The following CXXC5 variants were observed in gnomAD, a reference collection of about 807,000 sequenced individuals.
The protein encoded by CXXC5 is CXXC-type zinc finger protein 5.
CXXC5 carries 2 observed loss-of-function variants against 17.6 expected under a neutral mutation model. The ratio of observed to expected loss-of-function variants is 0.11; its 90% CI spans 0.05 to 0.36. The LOEUF (loss-of-function observed/expected upper bound fraction) is 0.36. Ranked by LOEUF, CXXC5 falls within the 10% of genes least tolerant of loss-of-function variation. The pLI, the probability that CXXC5 is intolerant of heterozygous loss-of-function variation, is 1.00. For synonymous variants in CXXC5, 171 were observed against 193.0 expected (o/e 0.89, Z 0.94); for missense variants, 343 against 458.3 (o/e 0.75, Z 2.30).
intron 1 of CXXC5, among the ~76,000 whole-genome samples, chr5:139,660,179 T>A (rs1755712682): frequency 6.6e-6 from 1 of 152,202 alleles, no homozygotes; most frequent in African/African-American, 2.4e-5. Flanking sequence ...GGGAGCGGGA[T>A]GATCCTGTGG....
chr5:139,677,360 G>A (rs540762373), intron 1 of CXXC5, among the ~76,000 whole-genome samples: 10 of 152,128 alleles, frequency 6.6e-5, no homozygotes, highest in Non-Finnish European at 1.0e-4. Context: ...GTAGAAGACT[G>A]GGACCTGGGA....
At position 139,680,494 on chromosome 5, in the gene CXXC5, C is replaced by G; in HGVS notation, c.-30C>G. On this transcript the variant is annotated 5_prime_UTR_variant, in exon 2 of 3. Coordinates refer to ENST00000302517, the MANE Select transcript of CXXC5 (RefSeq NM_016463.9). ...ACCCTCGGCAGTTGGCAGGCTCCCT[C>G]TGCAGTGGGGTCTGGGCCTCGGCCC... The G allele has an allele frequency of 6.5e-7, 1 of 1,534,864 alleles. No homozygotes were observed. Among genetic ancestry groups the G allele is most frequent in the Non-Finnish European group, 8.8e-7 (1 of 1,142,782 alleles).
At chr5:139,673,245 A>G (rs1756579751) in intron 1 of CXXC5, among the ~76,000 whole-genome samples, 1 of 152,216 alleles carries the variant, frequency 6.6e-6, no homozygotes, top group Non-Finnish European at 1.5e-5. Context: ...GCACATAGGA[A>G]GAGCCCCATA....
Position 139,680,608 on chromosome 5 carries a change from G to A in CXXC5, c.85G>A (p.Gly29Ser). 1 of 1,610,260 alleles carries A rather than the reference G, an allele frequency of 6.2e-7. No individual in the cohort carries two copies. The highest frequency in any genetic ancestry group is 1.1e-5 in the South Asian group (1 of 90,920). Reference sequence around the variant, plus strand: ...TGGCAGCGGTGGCAGTGGCAGCAGTGGCCCAAAGGCAGGAGCAGCAGACAA... The same window carrying A: ...TGGCAGCGGTGGCAGTGGCAGCAGTAGCCCAAAGGCAGGAGCAGCAGACAA... ...TNGSGGSGSSGPKAGAADKSA... is the reference protein window; with the variant it reads ...TNGSGGSGSSSPKAGAADKSA... The change falls in exon 2 of 3, where the codon GGC (glycine) becomes AGC (serine). Residue 29 changes from glycine (G) to serine (S), a missense_variant. Transcript: ENST00000302517.
chr5:139,681,608 T>C (rs1757244272), intron 2 of CXXC5, 161 bp downstream of exon 2: 1 of 810,088 alleles, frequency 1.2e-6, no homozygotes. Context: ...GACACCAGTT[T>C]ACTGCCCCAA....
Position 139,665,110 on chromosome 5 carries a change from CCAGGCTGT to C in CXXC5, c.-160-15251_-160-15244del, listed in dbSNP as rs1335895600. ...GCTTGGCCACTGACCTTCAGAGCAC[CCAGGCTGT>C]CAAGGCCGCCAACTGCCTGCTGGGC... On this transcript the variant is annotated intron_variant, in intron 1 of 2. Coordinates refer to ENST00000302517, the MANE Select transcript of CXXC5 (RefSeq NM_016463.9). Among the ~76,000 whole-genome samples, 9 of 152,352 alleles carry C rather than the reference CCAGGCTGT, an allele frequency of 5.9e-5. No individual in the cohort carries two copies. The East Asian group carries it at 1.7e-3, about 29-fold the overall frequency.
intron 1 of CXXC5, among the ~76,000 whole-genome samples, chr5:139,678,445 T>TG (rs1756985762): frequency 6.6e-6 from 1 of 152,182 alleles, no homozygotes; most frequent in Non-Finnish European, 1.5e-5. Context: ...TCTGCCATCT[T>TG]GCCCAGCTCT....
chr5:139,665,293 C>A (rs1581591558), intron 1 of CXXC5, among the ~76,000 whole-genome samples: 1 of 152,252 alleles, frequency 6.6e-6, no homozygotes, highest in African/African-American at 2.4e-5. Context: ...CTCAGCCTCG[C>A]GGTGCTTGTG....
At chr5:139,675,908 C>T (rs1378545277) in intron 1 of CXXC5, among the ~76,000 whole-genome samples, 2 of 152,040 alleles carry the variant, frequency 1.3e-5, no homozygotes, top group Non-Finnish European at 2.9e-5. Flanking sequence ...GTGGTGGGGG[C>T]TGGCTAGAAG....
intron 1 of CXXC5, among the ~76,000 whole-genome samples, chr5:139,653,414 G>C (rs907376387): frequency 6.6e-6 from 1 of 152,194 alleles, no homozygotes; most frequent in Non-Finnish European, 1.5e-5. Context: ...AGGTGAATGT[G>C]GATATGTGGG....
chr5:139,667,356 C>G (rs1408265222), intron 1 of CXXC5, among the ~76,000 whole-genome samples: 1 of 152,250 alleles, frequency 6.6e-6, no homozygotes, highest in African/African-American at 2.4e-5. Context: ...AAACCTTTCT[C>G]TGTGTGTCCC....
At chr5:139,679,271 C>T (rs575384742) in intron 1 of CXXC5, among the ~76,000 whole-genome samples, 1 of 152,360 alleles carries the variant, frequency 6.6e-6, no homozygotes, top group South Asian at 2.1e-4. Context: ...CAGAGCACCA[C>T]AGTGAGGCCT....
chr5:139,662,024 C>T (rs1755847951), intron 1 of CXXC5, among the ~76,000 whole-genome samples: 1 of 152,192 alleles, frequency 6.6e-6, no homozygotes, highest in African/African-American at 2.4e-5. Flanking sequence ...AAGTCGATTT[C>T]CCCAGGACCA....
intron 1 of CXXC5, among the ~76,000 whole-genome samples, chr5:139,651,949 G>A (rs1392533848): frequency 1.3e-5 from 2 of 152,076 alleles, no homozygotes; most frequent in Non-Finnish European, 2.9e-5. Context: ...TGTTTGTATT[G>A]AGCACCTACT....
intron 1 of CXXC5, among the ~76,000 whole-genome samples, chr5:139,677,216 C>T (rs1272663292): frequency 3.3e-5 from 5 of 151,952 alleles, no homozygotes; most frequent in Non-Finnish European, 5.9e-5. Context: ...ATGCGCCCGC[C>T]GCCGCCCGCC....
intron 1 of CXXC5, among the ~76,000 whole-genome samples, chr5:139,655,561 C>T (rs953462825): frequency 6.6e-6 from 1 of 152,072 alleles, no homozygotes; most frequent in Admixed American, 6.5e-5. Flanking sequence ...ACCTACCTCC[C>T]CACACCTCTC....
At chr5:139,652,195 T>TGTGTGTGG (rs1191058473) in intron 1 of CXXC5, among the ~76,000 whole-genome samples, 5 of 147,592 alleles carry the variant, frequency 3.4e-5, no homozygotes, top group Admixed American at 3.4e-4. Context: ...TGTGTGTGTG[T>TGTGTGTGG]GGCTGTGTAT....
chr5:139,657,459 A>C (rs1443839206), intron 1 of CXXC5, among the ~76,000 whole-genome samples: 1 of 152,246 alleles, frequency 6.6e-6, no homozygotes, highest in Non-Finnish European at 1.5e-5. Context: ...CTAGTTGGGC[A>C]GACAAAAGTG....
At chr5:139,660,122 C>G (rs1052811632) in intron 1 of CXXC5, among the ~76,000 whole-genome samples, 6 of 152,210 alleles carry the variant, frequency 3.9e-5, no homozygotes, top group African/African-American at 1.4e-4. Context: ...GTCCTAGAGG[C>G]AAGCTGCATC....
Sources: gnomAD v4.1 joint callset for allele counts (sites outside exome capture counted in the v4.1 genomes callset) on GRCh38, gnomAD v4.1.1 for gene constraint, MANE v1.5 for transcripts, NCBI Gene and HGNC (gene_info 2026-07-23, HGNC 2026-07-21) for gene names.